Variants in TBL1XR1 observed in about 807,000 individuals in gnomAD.
TBL1XR1 encodes the protein F-box-like/WD repeat-containing protein TBL1XR1.
In TBL1XR1, 5 loss-of-function variants were observed where a neutral mutation model predicts 66.9. The ratio of observed to expected loss-of-function variants is 0.07; its 90% CI spans 0.04 to 0.16. The LOEUF is 0.16. TBL1XR1 is among the 10% of genes least tolerant of loss of function. The probability of loss-of-function intolerance (pLI) is 1.00; values close to 1 mark genes in which losing one functional copy is unlikely to be tolerated. For missense variants in TBL1XR1, 238 were observed against 623.2 expected (o/e 0.38, Z 6.58); for synonymous variants, 210 against 206.0 (o/e 1.02, Z -0.17).
At chr3:177,036,249 A>AT (rs1409235428) in intron 12 of TBL1XR1, among the ~76,000 whole-genome samples, 1 of 152,184 alleles carries the variant, frequency 6.6e-6, no homozygotes, top group East Asian at 1.9e-4. Context: ...ATGCCCAAGG[A>AT]TTTTAAAGAC....
chr3:177,144,383 A>G (rs1729989866), intron 1 of TBL1XR1, among the ~76,000 whole-genome samples: 1 of 152,146 alleles, frequency 6.6e-6, no homozygotes, highest in Non-Finnish European at 1.5e-5. Context: ...GTTTTTCTGT[A>G]AAGGGCCAGA....
intron 1 of TBL1XR1, among the ~76,000 whole-genome samples, chr3:177,139,663 T>C (rs942951538): frequency 7.1e-5 from 7 of 98,646 alleles, no homozygotes; most frequent in East Asian, 3.2e-4. Flanking sequence ...AACCCAAAAA[T>C]ATAGTTAAAA....
chr3:177,087,767 G>A (rs188706609), intron 2 of TBL1XR1, among the ~76,000 whole-genome samples: 108 of 152,096 alleles, frequency 7.1e-4, no homozygotes, highest in African/African-American at 2.5e-3. Context: ...AATGGGGGGC[G>A]GGGAGTCTTC....
At chr3:177,171,011 A>G (rs565527792) in intron 1 of TBL1XR1, among the ~76,000 whole-genome samples, 1 of 152,244 alleles carries the variant, frequency 6.6e-6, no homozygotes, top group Admixed American at 6.5e-5. Context: ...AGCCTTAAGA[A>G]AAAACTATTA....
At chr3:177,092,572 G>C (rs941548372) in intron 2 of TBL1XR1, among the ~76,000 whole-genome samples, 3 of 152,142 alleles carry the variant, frequency 2.0e-5, no homozygotes, top group Admixed American at 6.5e-5. Context: ...GTAGTGTAAA[G>C]AAATTATTGT....
chr3:177,053,345 T>C (rs1560120689), intron 4 of TBL1XR1, among the ~76,000 whole-genome samples: 1 of 152,178 alleles, frequency 6.6e-6, no homozygotes, highest in Non-Finnish European at 1.5e-5. Flanking sequence ...GGCCACAGTA[T>C]GCTGACCCCT....
chr3:177,196,018 A>C (rs1269698631), intron 1 of TBL1XR1, among the ~76,000 whole-genome samples: 1 of 152,128 alleles, frequency 6.6e-6, no homozygotes, highest in Non-Finnish European at 1.5e-5. Flanking sequence ...AGATAACCTA[A>C]CAAAGAGAGC....
intron 1 of TBL1XR1, chr3:177,160,957 C>T (rs1030046514): frequency 2.0e-5 from 3 of 150,762 alleles, no homozygotes; most frequent in African/African-American, 7.3e-5. Context: ...GAACACGCCA[C>T]TGCACTCGAG....
At chr3:177,063,598 T>A (rs1718786350) in intron 3 of TBL1XR1, among the ~76,000 whole-genome samples, 1 of 152,246 alleles carries the variant, frequency 6.6e-6, no homozygotes, top group Non-Finnish European at 1.5e-5. Flanking sequence ...ATTGTTAAAC[T>A]TGTTTACAAG....
At chr3:177,146,871 T>C (rs1730320366) in intron 1 of TBL1XR1, among the ~76,000 whole-genome samples, 1 of 152,122 alleles carries the variant, frequency 6.6e-6, no homozygotes, top group Non-Finnish European at 1.5e-5. Context: ...CTGGTTCTGC[T>C]CATAACTCAA....
In TBL1XR1 at chr3:177,055,355, C is replaced by T. The variant is rs567464804; in HGVS notation, c.59-1437G>A. Among the ~76,000 whole-genome samples, 83 of 152,228 alleles carry T rather than the reference C, an allele frequency of 5.5e-4. No homozygotes were observed. In the Middle Eastern group the frequency reaches 0.01, roughly 19 times the overall value. ...TGATTTTCCTTGTAACCCCTTCCTTCTCTCTTTGGAACACCTAACTCATTA... is the reference window on the plus strand; with the variant it reads ...TGATTTTCCTTGTAACCCCTTCCTTTTCTCTTTGGAACACCTAACTCATTA... On this transcript the variant is annotated intron_variant, in intron 3 of 15. Coordinates refer to ENST00000457928, the MANE Select transcript of TBL1XR1 (RefSeq NM_024665.7).
At chr3:177,072,851 G>A (rs1279151917) in intron 2 of TBL1XR1, among the ~76,000 whole-genome samples, 1 of 152,184 alleles carries the variant, frequency 6.6e-6, no homozygotes, top group African/African-American at 2.4e-5. Context: ...ATCACTTGAG[G>A]TCAGGAGTTC....
intron 1 of TBL1XR1, among the ~76,000 whole-genome samples, chr3:177,125,620 G>A (rs1457416270): frequency 6.6e-6 from 1 of 151,996 alleles, no homozygotes. Flanking sequence ...TTTCATATAT[G>A]AATATATATA....
At chr3:177,080,735 T>C (rs1051003024) in intron 2 of TBL1XR1, among the ~76,000 whole-genome samples, 3 of 152,230 alleles carry the variant, frequency 2.0e-5, no homozygotes, top group Admixed American at 6.5e-5. Context: ...CAATAGGTCC[T>C]GGTACCTCAA....
At chr3:177,175,766 TAA>T (rs1734074818) in intron 1 of TBL1XR1, among the ~76,000 whole-genome samples, 1 of 152,130 alleles carries the variant, frequency 6.6e-6, no homozygotes, top group Admixed American at 6.6e-5. Context: ...ATTAAAATAA[TAA>T]GTTATTCAGG....
rs7612699 is a variant in TBL1XR1 at position 177,020,270 on chromosome 3, T to A, written c.*5228A>T. 1 of 151,864 alleles carries A rather than the reference T, an allele frequency of 6.6e-6. No individual in the cohort carries two copies. Among genetic ancestry groups the A allele is most frequent in the Non-Finnish European group, 1.5e-5 (1 of 67,934 alleles). The allele number at this position is 151,864 out of a possible 1,614,324, so 9.4% of individuals were successfully genotyped here. A position where few individuals can be genotyped will look rare whatever the true frequency, so the allele number is the denominator to read the frequency against. On this transcript the variant is annotated 3_prime_UTR_variant, in exon 16 of 16. Coordinates refer to ENST00000457928, the MANE Select transcript of TBL1XR1 (RefSeq NM_024665.7). Reference sequence around the variant, plus strand: ...AACAAATGTTATCTAAGGTCTCTTTTTCAGCTTCTGTGAAATAACGTCTTT... The same window carrying A: ...AACAAATGTTATCTAAGGTCTCTTTATCAGCTTCTGTGAAATAACGTCTTT...
At chr3:177,151,369 G>A (rs931362212) in intron 1 of TBL1XR1, among the ~76,000 whole-genome samples, 4 of 152,178 alleles carry the variant, frequency 2.6e-5, no homozygotes, top group Admixed American at 1.3e-4. Flanking sequence ...TGCAGCTGTG[G>A]GCACCAGTCC....
chr3:177,044,097 T>G (rs1312239518), intron 10 of TBL1XR1, among the ~76,000 whole-genome samples: 1 of 152,152 alleles, frequency 6.6e-6, no homozygotes, highest in African/African-American at 2.4e-5. Flanking sequence ...CTATGCTGCC[T>G]CCAAGGTCAT....
At chr3:177,080,572 C>CA (rs1721270759) in intron 2 of TBL1XR1, among the ~76,000 whole-genome samples, 1 of 152,064 alleles carries the variant, frequency 6.6e-6, no homozygotes, top group Non-Finnish European at 1.5e-5. Flanking sequence ...CTGGTTCTCT[C>CA]AAAATAGAAA....
Sources: gnomAD v4.1 joint callset for allele counts (sites outside exome capture counted in the v4.1 genomes callset) on GRCh38, gnomAD v4.1.1 for gene constraint, MANE v1.5 for transcripts, NCBI Gene and HGNC (gene_info 2026-07-23, HGNC 2026-07-21) for gene names.